FGF14: variants seen among roughly 807,000 people sequenced by gnomAD.
FGF14 encodes the protein fibroblast growth factor 14, also known as fibroblast growth factor homologous factor 4.
Under a neutral mutation model 25.5 loss-of-function variants are expected in FGF14, and 5 were observed. The observed-to-expected ratio is 0.20, with a 90% CI of 0.10 to 0.41. FGF14 has a LOEUF of 0.41. FGF14 is among the 10% of genes least tolerant of loss of function. FGF14 has a pLI of 1.00. For synonymous variants in FGF14, 138 were observed against 118.3 expected (o/e 1.17, Z -1.08); for missense variants, 222 against 320.1 (o/e 0.69, Z 2.34).
intron 1 of FGF14, among the ~76,000 whole-genome samples, chr13:102,259,921 T>G (rs2052635889): frequency 6.6e-6 from 1 of 152,222 alleles, no homozygotes; most frequent in Non-Finnish European, 1.5e-5. Flanking sequence ...TTTAAAAACA[T>G]AAGTATAAAT....
rs529275945 is a variant in FGF14, at chr13:102,155,044, A to T, written c.208+246427T>A. 4.6e-5 allele frequency among the ~76,000 whole-genome samples: 7 copies of T among 152,228 alleles called. No individual in the cohort carries two copies. In the East Asian group the frequency reaches 1.4e-3, roughly 29 times the overall value. On this transcript the variant is annotated intron_variant, in intron 1 of 4. Coordinates refer to the FGF14 transcript ENST00000376131. ...CTTAGAGACCTATAAAGAGACTTAG[A>T]CTCCCACACAATAATAATGGGAGAC...
rs887338099 is a variant in FGF14, at chr13:102,296,981, T to C, written c.208+104490A>G. The stretch of plus-strand genomic sequence containing the variant: ...GTTATCTTACCCATGATCTACCTAC[T>C]AGAATCATTTAATCAACAACAACAA... On this transcript the variant is annotated intron_variant, in intron 1 of 4. Coordinates refer to the FGF14 transcript ENST00000376131. Among the ~76,000 whole-genome samples the C allele has an allele frequency of 4.6e-5, 7 of 152,200 alleles. 1 individual carries two copies. Among genetic ancestry groups the C allele is most frequent in the African/African-American group, 7.2e-5 (3 of 41,546 alleles).
At chr13:102,274,354 C>G (rs2053402580) in intron 1 of FGF14, among the ~76,000 whole-genome samples, 1 of 152,104 alleles carries the variant, frequency 6.6e-6, no homozygotes, top group African/African-American at 2.4e-5. Flanking sequence ...AGGAATGCTG[C>G]ATGTATCTGT....
At chr13:102,324,342 C>G (rs910375619) in intron 1 of FGF14, among the ~76,000 whole-genome samples, 4 of 152,126 alleles carry the variant, frequency 2.6e-5, no homozygotes, top group Non-Finnish European at 5.9e-5. Context: ...CTACCATTTA[C>G]TAAGTATGTC....
In FGF14 at chr13:102,165,325, A is replaced by C. The variant is rs1354079999; in HGVS notation, c.208+236146T>G. On this transcript the variant is annotated intron_variant, in intron 1 of 4. Transcript: ENST00000376131. ...CCATCCCATTACTGGGTATATACCC[A>C]AAGGATTATAAATCATGCTGCTATA... 1.4e-4 allele frequency among the ~76,000 whole-genome samples: 21 copies of C among 152,182 alleles called. No homozygotes were observed. In the East Asian group the frequency reaches 4.1e-3, roughly 30 times the overall value.
chr13:101,880,517 A>G (rs1294065613), intron 1 of FGF14, among the ~76,000 whole-genome samples: 1 of 152,192 alleles, frequency 6.6e-6, no homozygotes, highest in East Asian at 1.9e-4. Flanking sequence ...TGGTGAGCTG[A>G]GCGCACCATT....
chr13:102,087,407 CTTT>C (rs71125043), intron 1 of FGF14, among the ~76,000 whole-genome samples: 8 of 84,440 alleles, frequency 9.5e-5, no homozygotes, highest in Middle Eastern at 7.0e-3. Context: ...ACTGTAATTT[CTTT>C]TTTTTTTTTT....
chr13:101,770,414 AC>A (rs2038699647), intron 3 of FGF14, among the ~76,000 whole-genome samples: 1 of 152,144 alleles, frequency 6.6e-6, no homozygotes, highest in Admixed American at 6.6e-5. Flanking sequence ...ATTCATTAAA[AC>A]AAACATTTGG....
intron 1 of FGF14, among the ~76,000 whole-genome samples, chr13:102,120,382 A>C (rs1038193762): frequency 6.6e-6 from 1 of 152,212 alleles, no homozygotes; most frequent in African/African-American, 2.4e-5. Context: ...GGATTTATTC[A>C]TGTCAGCGTC....
At chr13:101,732,468 A>G (rs1489040940) in intron 3 of FGF14, among the ~76,000 whole-genome samples, 1 of 152,176 alleles carries the variant, frequency 6.6e-6, no homozygotes, top group East Asian at 1.9e-4. Flanking sequence ...ATATATTACT[A>G]ACCTCTATTT....
intron 1 of FGF14, among the ~76,000 whole-genome samples, chr13:102,050,672 TC>T (rs2042178962): frequency 6.6e-6 from 1 of 151,736 alleles, no homozygotes; most frequent in Non-Finnish European, 1.5e-5. Context: ...CAAGCCTTCA[TC>T]CCACACACAC....
intron 1 of FGF14, among the ~76,000 whole-genome samples, chr13:101,885,701 G>GAAAAAAA (rs75565604): frequency 8.1e-6 from 1 of 122,776 alleles, no homozygotes; most frequent in Non-Finnish European, 1.8e-5. Context: ...ACAGGCCTCT[G>GAAAAAAA]AAAAAAAAAA....
chr13:102,166,943 CTGT>C (rs2048038528), intron 1 of FGF14, among the ~76,000 whole-genome samples: 1 of 152,026 alleles, frequency 6.6e-6, no homozygotes, highest in Non-Finnish European at 1.5e-5. Context: ...CAAGAATTGG[CTGT>C]TTGGGGAAGA....
chr13:102,108,888 T>C (rs1374785179), intron 1 of FGF14, among the ~76,000 whole-genome samples: 2 of 152,210 alleles, frequency 1.3e-5, no homozygotes, highest in Admixed American at 6.5e-5. Context: ...ACACATATTG[T>C]CCTTATGTTA....
Position 102,161,564 on chromosome 13 carries a change from GTGAAGAAAGA to G in FGF14, c.208+239897_208+239906del, listed in dbSNP as rs1377167079. ...ATATTCTCTATGCAACCAACTTTCTGTGAAGAAAGAAAGAAGAAGAAGAAGAAGAAGAAGA... is the reference window on the plus strand; with the variant it reads ...ATATTCTCTATGCAACCAACTTTCTGAAGAAGAAGAAGAAGAAGAAGAAGA... On this transcript the variant is annotated intron_variant, in intron 1 of 4. Coordinates refer to the FGF14 transcript ENST00000376131. Among the ~76,000 whole-genome samples, 125 of 8,700 alleles carry G rather than the reference GTGAAGAAAGA, an allele frequency of 0.014. 17 individuals carry two copies. In the African/African-American group the frequency reaches 0.15, roughly 10 times the overall value. 5.7% of individuals were successfully genotyped at this position (8,700 alleles called of 152,430 possible). A position where few individuals can be genotyped will look rare whatever the true frequency, so the allele number is the denominator to read the frequency against.
chr13:102,393,325 C>A (rs1446653975), intron 1 of FGF14, among the ~76,000 whole-genome samples: 2 of 152,206 alleles, frequency 1.3e-5, no homozygotes, highest in Non-Finnish European at 2.9e-5. Context: ...ATCAACAGTT[C>A]AAACACAGCA....
At chr13:102,282,643 T>C (rs985452212) in intron 1 of FGF14, among the ~76,000 whole-genome samples, 1 of 152,134 alleles carries the variant, frequency 6.6e-6, no homozygotes, top group African/African-American at 2.4e-5. Flanking sequence ...AAGCTGCAGT[T>C]CTCAAAATCC....
chr13:102,069,984 G>A (rs1482861912), intron 1 of FGF14, among the ~76,000 whole-genome samples: 1 of 152,140 alleles, frequency 6.6e-6, no homozygotes, highest in African/African-American at 2.4e-5. Context: ...AAGATTTCTT[G>A]AGCAATACCT....
chr13:101,756,041 T>C (rs949293309), intron 3 of FGF14, among the ~76,000 whole-genome samples: 1 of 152,184 alleles, frequency 6.6e-6, no homozygotes, highest in African/African-American at 2.4e-5. Flanking sequence ...TCATATGCCA[T>C]TGTTACAGAT....
Sources: gnomAD v4.1 joint callset for allele counts (sites outside exome capture counted in the v4.1 genomes callset) on GRCh38, gnomAD v4.1.1 for gene constraint, MANE v1.5 for transcripts, NCBI Gene and HGNC (gene_info 2026-07-23, HGNC 2026-07-21) for gene names.